TCF12: variants seen among roughly 807,000 people sequenced by gnomAD.
TCF12 encodes DNA-binding protein HTF4.
Under a neutral mutation model 86.0 loss-of-function variants are expected in TCF12, and 45 were observed. The observed-to-expected ratio is 0.52, with a 90% CI of 0.41 to 0.67. The LOEUF is 0.67. Ranked by LOEUF, TCF12 falls within the 30% of genes least tolerant of loss-of-function variation. TCF12 has a pLI of 0.00. For synonymous variants in TCF12, 330 were observed against 299.6 expected, an observed-to-expected ratio of 1.10 and a Z score of -1.05; for missense variants, 881 against 859.9, an observed-to-expected ratio of 1.02 and a Z score of -0.31.
chr15:57,197,152 C>CTTTTTTTTTTTTT (rs138145337), intron 7 of TCF12, among the ~76,000 whole-genome samples: 1,351 of 87,204 alleles, frequency 0.015, 165 homozygotes, highest in Non-Finnish European at 0.02. Context: ...AGAACAGCTT[C>CTTTTTTTTTTTTT]TTTTTTTTTT....
intron 6 of TCF12, among the ~76,000 whole-genome samples, chr15:57,190,098 G>C (rs2056902373): frequency 6.6e-6 from 1 of 152,162 alleles, no homozygotes; most frequent in African/African-American, 2.4e-5. Context: ...GAGAGTAAGT[G>C]CTTAATGGAT....
intron 3 of TCF12, among the ~76,000 whole-genome samples, chr15:57,048,274 GT>G (rs1379607881): frequency 3.7e-4 from 54 of 147,370 alleles, no homozygotes; most frequent in Non-Finnish European, 5.0e-4. Flanking sequence ...GTTTTGTTTT[GT>G]TTTTGAGACA....
chr15:57,039,326 A>G (rs1046201378), intron 3 of TCF12, among the ~76,000 whole-genome samples: 2 of 152,160 alleles, frequency 1.3e-5, no homozygotes, highest in Non-Finnish European at 2.9e-5. Context: ...ATTGAAACTC[A>G]TCTCCTGCTT....
At chr15:56,981,366 G>A (rs1177757085) in intron 3 of TCF12, among the ~76,000 whole-genome samples, 1 of 152,210 alleles carries the variant, frequency 6.6e-6, no homozygotes, top group Admixed American at 6.5e-5. Flanking sequence ...GTGTCCTCTG[G>A]AGAGAACGGA....
At chr15:56,936,346 A>C (rs1199888951) in intron 3 of TCF12, among the ~76,000 whole-genome samples, 2 of 151,908 alleles carry the variant, frequency 1.3e-5, no homozygotes, top group Non-Finnish European at 2.9e-5. Flanking sequence ...TTTCTTGCTA[A>C]TTTGTTTGAG....
At chr15:57,083,347 T>A (rs1192556042) in intron 4 of TCF12, among the ~76,000 whole-genome samples, 1 of 152,284 alleles carries the variant, frequency 6.6e-6, no homozygotes, top group East Asian at 1.9e-4. Context: ...TCAGTGGAGA[T>A]AAAAAGAGAT....
intron 5 of TCF12, among the ~76,000 whole-genome samples, chr15:57,160,653 C>T (rs1596930468): frequency 6.6e-6 from 1 of 151,956 alleles, no homozygotes; most frequent in African/African-American, 2.4e-5. Flanking sequence ...TTGTTTGGCA[C>T]CTATTGAGGG....
chr15:57,114,739 T>C (rs2050726401), intron 5 of TCF12, among the ~76,000 whole-genome samples: 1 of 152,230 alleles, frequency 6.6e-6, no homozygotes, highest in Admixed American at 6.5e-5. Flanking sequence ...AATCTCAATG[T>C]TTTTATTTCC....
chr15:56,940,326 A>G (rs957969509), intron 3 of TCF12, among the ~76,000 whole-genome samples: 5 of 152,052 alleles, frequency 3.3e-5, no homozygotes, highest in African/African-American at 1.2e-4. Flanking sequence ...AATACTCTAA[A>G]TCGTCTTTGG....
At chr15:56,948,601 G>A (rs769587181) in intron 3 of TCF12, among the ~76,000 whole-genome samples, 5 of 152,076 alleles carry the variant, frequency 3.3e-5, no homozygotes, top group African/African-American at 4.8e-5. Flanking sequence ...GTAAAGTTTC[G>A]AGTGAGTTGA....
chr15:57,230,065 A>G (rs2151912900), intron 8 of TCF12, among the ~76,000 whole-genome samples: 1 of 152,082 alleles, frequency 6.6e-6, no homozygotes, highest in Non-Finnish European at 1.5e-5. Flanking sequence ...TTCCTTCCCA[A>G]TTCGAAGTCC....
intron 3 of TCF12, among the ~76,000 whole-genome samples, chr15:57,051,654 C>G (rs1431522141): frequency 6.6e-6 from 1 of 152,190 alleles, no homozygotes; most frequent in African/African-American, 2.4e-5. Context: ...AGAGAAGACA[C>G]TGGCTTTCTG....
At chr15:57,088,657 G>T (rs1385744198) in intron 4 of TCF12, among the ~76,000 whole-genome samples, 7 of 151,930 alleles carry the variant, frequency 4.6e-5, no homozygotes, top group Non-Finnish European at 1.0e-4. Context: ...TCCAAGTTGT[G>T]TAAGTTCTTG....
chr15:57,197,264 C>A (rs1417631145), intron 7 of TCF12, among the ~76,000 whole-genome samples: 1 of 146,430 alleles, frequency 6.8e-6, no homozygotes, highest in African/African-American at 2.5e-5. Flanking sequence ...TCAAGTGATT[C>A]TCCTGCCTCA....
chr15:57,212,198 T>C (rs1763653525), intron 8 of TCF12, among the ~76,000 whole-genome samples: 1 of 152,250 alleles, frequency 6.6e-6, no homozygotes, highest in South Asian at 2.1e-4. Flanking sequence ...CAACTCAGTA[T>C]GGCAATGCTT....
intron 3 of TCF12, among the ~76,000 whole-genome samples, chr15:56,927,759 T>C (rs1192131573): frequency 2.6e-5 from 4 of 152,190 alleles, no homozygotes; most frequent in Non-Finnish European, 5.9e-5. Context: ...TGAATTCCCT[T>C]AGGGAAATGA....
intron 3 of TCF12, among the ~76,000 whole-genome samples, chr15:56,937,757 G>A (rs1299930552): frequency 2.0e-5 from 3 of 152,044 alleles, no homozygotes; most frequent in African/African-American, 7.2e-5. Flanking sequence ...AATCATAAAA[G>A]AATGCTGTAT....
intron 8 of TCF12, among the ~76,000 whole-genome samples, chr15:57,210,424 G>A (rs1175870024): frequency 6.6e-6 from 1 of 151,664 alleles, no homozygotes; most frequent in African/African-American, 2.4e-5. Flanking sequence ...CACTTTTCAG[G>A]GAGGAAAAGA....
chr15:57,251,447 T>G (rs1240875144), intron 14 of TCF12, 24 bp downstream of exon 14: 2 of 1,609,998 alleles, frequency 1.2e-6, no homozygotes, highest in Admixed American at 3.3e-5. Context: ...ATACATCAGT[T>G]TTATCTGATA....
Sources: gnomAD v4.1 joint callset for allele counts (sites outside exome capture counted in the v4.1 genomes callset) on GRCh38, gnomAD v4.1.1 for gene constraint, MANE v1.5 for transcripts, NCBI Gene and HGNC (gene_info 2026-07-23, HGNC 2026-07-21) for gene names.